The following HOXC8 variants were observed in gnomAD, a reference collection of about 807,000 sequenced individuals.
HOXC8 encodes homeobox C8.
In HOXC8, 14 loss-of-function variants were observed where a neutral mutation model predicts 25.8. The observed-to-expected ratio is 0.54, with a 90% CI of 0.36 to 0.85. HOXC8 has a LOEUF of 0.85. Ranked by LOEUF, HOXC8 falls within the 40% of genes least tolerant of loss-of-function variation. The pLI is 0.01. For missense variants in HOXC8, 316 were observed against 308.8 expected, an observed-to-expected ratio of 1.02 and a Z score of -0.17; for synonymous variants, 144 against 124.6, an observed-to-expected ratio of 1.16 and a Z score of -1.04.
rs1164577726 is a variant in HOXC8, at chr12:54,011,445, T to A, written c.*64T>A. The A allele has an allele frequency of 1.4e-6, 2 of 1,444,860 alleles. No homozygotes were observed. Among genetic ancestry groups the A allele is most frequent in the Non-Finnish European group, 1.8e-6 (2 of 1,109,220 alleles). The allele number at this position is 1,444,860 out of a possible 1,614,324, so 89.5% of individuals were successfully genotyped here. A position where few individuals can be genotyped will look rare whatever the true frequency, so the allele number is the denominator to read the frequency against. On this transcript the variant is annotated 3_prime_UTR_variant, in exon 2 of 2. Transcript: ENST00000040584. ...TGAAGTTTCGTTTTATGGTAGCAGA[T>A]AAATTGAGAAGTTTACGACTGTCAT...
chr12:54,009,768 T>A lies in HOXC8; in HGVS notation c.436+48T>A. ...CCCTTGGTCTCCCGCGCTCCAGGGT[T>A]TCCCCCCCTCCCTCGCCTCCTTTTT... is the stretch of plus-strand genomic sequence containing the variant. On this transcript the variant is annotated intron_variant, in intron 1 of 1. Coordinates refer to ENST00000040584, the MANE Select transcript of HOXC8 (RefSeq NM_022658.4). This position sits in a 1 kb window ranked among gnomAD's most constrained non-coding sequence, Gnocchi z 5.0. 6.6e-7 allele frequency: 1 copy of A among 1,524,364 alleles called. No individual in the cohort carries two copies. Among genetic ancestry groups the A allele is most frequent in the Non-Finnish European group, 9.0e-7 (1 of 1,105,448 alleles). The allele number at this position is 1,524,364 out of a possible 1,614,324, so 94.4% of individuals were successfully genotyped here. A position where few individuals can be genotyped will look rare whatever the true frequency, so the allele number is the denominator to read the frequency against.
chr12:54,009,966 C>G lies in HOXC8; in HGVS notation c.436+246C>G, dbSNP rs1028963956. Among the ~76,000 whole-genome samples, 4 of 152,132 alleles carry G rather than the reference C, an allele frequency of 2.6e-5. No individual in the cohort carries two copies. Among genetic ancestry groups the G allele is most frequent in the African/African-American group, 9.7e-5 (4 of 41,426 alleles). ...GTGAGAGAAAGCTGGTGTGTGGCCG[C>G]AAAGGGTTAAAAATCGTTTTCTCCA... On this transcript the variant is annotated intron_variant, in intron 1 of 1. Transcript: ENST00000040584. This position sits in a 1 kb window ranked among gnomAD's most constrained non-coding sequence, Gnocchi z 5.0.
At position 54,009,075 on chromosome 12, in the gene HOXC8, G is replaced by A. The variant is rs1370702144; in HGVS notation, c.-210G>A. The A allele has an allele frequency of 9.0e-6, 2 of 221,250 alleles. No individual in the cohort carries two copies. The highest frequency in any genetic ancestry group is 2.3e-5 in the African/African-American group (1 of 42,578). 13.7% of individuals were successfully genotyped at this position (221,250 alleles called of 1,614,324 possible). A position where few individuals can be genotyped will look rare whatever the true frequency, so the allele number is the denominator to read the frequency against. On this transcript the variant is annotated 5_prime_UTR_variant, in exon 1 of 2. Coordinates refer to ENST00000040584, the MANE Select transcript of HOXC8 (RefSeq NM_022658.4). The surrounding 1 kb of genome is among the most constrained non-coding windows in gnomAD (Gnocchi z 5.0). The stretch of plus-strand genomic sequence containing the variant: ...TCGCCGCCCGCCGCCGCCGCCGCCC[G>A]CGCCCCAGCCCCGGGAGCTCTGCTG...
At position 54,009,365 on chromosome 12, in the gene HOXC8, G is replaced by T. The variant is rs768126590; in HGVS notation, c.81G>T (p.Arg27=). The T allele has an allele frequency of 1.7e-5, 28 of 1,613,470 alleles. No homozygotes were observed. In the South Asian group the frequency reaches 3.0e-4, roughly 17 times the overall value. Residue 27 remains arginine, a synonymous_variant, in exon 1 of 2, where the codon CGG becomes CGT. Coordinates refer to ENST00000040584, the MANE Select transcript of HOXC8 (RefSeq NM_022658.4). This position sits in a 1 kb window ranked among gnomAD's most constrained non-coding sequence, Gnocchi z 5.0. ...TGGAACCGGCCTATTACGACTGCCG[G>T]TTCCCTCAGAGCGTGGGCAGGAGCC... ...ESLEPAYYDC[R]FPQSVGRSHA...
intron 1 of HOXC8, among the ~76,000 whole-genome samples, chr12:54,010,419 GC>G (rs927703055): frequency 2.6e-5 from 4 of 151,914 alleles, no homozygotes; most frequent in African/African-American, 9.7e-5. Flanking sequence ...GACCCTAGCC[GC>G]CCCCCCAATC....
rs776195417 is a variant in HOXC8, at chr12:54,009,449, C to T, written c.165C>T (p.His55=). The stretch of plus-strand genomic sequence containing the variant: ...CCGGCTTCCAGCACGCTTCGCACCA[C>T]GTTCAAGACTTCTTCCACCACGGCA... ...SAPGFQHASH[H]VQDFFHHGTS... Residue 55 remains histidine (H), a synonymous_variant, in exon 1 of 2, where the codon CAC becomes CAT. Coordinates refer to ENST00000040584, the MANE Select transcript of HOXC8 (RefSeq NM_022658.4). The surrounding 1 kb of genome is among the most constrained non-coding windows in gnomAD (Gnocchi z 5.0). 62 of 1,614,072 alleles carry T rather than the reference C, an allele frequency of 3.8e-5. No individual in the cohort carries two copies. Among genetic ancestry groups the T allele is most frequent in the Non-Finnish European group, 4.9e-5 (58 of 1,180,038 alleles).
Position 54,012,347 on chromosome 12 carries a change from A to G in HOXC8, c.*966A>G, listed in dbSNP as rs1266387158. ...AGAGAAAAAAATAAAAATCAAAAAAAAAAAAAAGAAAGAAAGAAACCTCCA... is the reference window on the plus strand; with the variant it reads ...AGAGAAAAAAATAAAAATCAAAAAAGAAAAAAAGAAAGAAAGAAACCTCCA... On this transcript the variant is annotated 3_prime_UTR_variant, in exon 2 of 2. Coordinates refer to ENST00000040584, the MANE Select transcript of HOXC8 (RefSeq NM_022658.4). 33 of 151,908 alleles carry G rather than the reference A, an allele frequency of 2.2e-4. 1 individual carries two copies. Among genetic ancestry groups the G allele is most frequent in the African/African-American group, 7.3e-4 (30 of 41,336 alleles). The allele number at this position is 151,908 out of a possible 1,614,324, so 9.4% of individuals were successfully genotyped here. A position where few individuals can be genotyped will look rare whatever the true frequency, so the allele number is the denominator to read the frequency against.
At position 54,011,459 on chromosome 12, in the gene HOXC8, T is replaced by A; in HGVS notation, c.*78T>A. ...ATGGTAGCAGATAAATTGAGAAGTT[T>A]ACGACTGTCATTTGCTTTTATAGAG... On this transcript the variant is annotated 3_prime_UTR_variant, in exon 2 of 2. Coordinates refer to ENST00000040584, the MANE Select transcript of HOXC8 (RefSeq NM_022658.4). 6.9e-7 allele frequency: 1 copy of A among 1,443,342 alleles called. No homozygotes were observed. The highest frequency in any genetic ancestry group is 9.0e-7 in the Non-Finnish European group (1 of 1,105,616). The allele number at this position is 1,443,342 out of a possible 1,614,324, so 89.4% of individuals were successfully genotyped here.
Position 54,009,648 on chromosome 12 carries a change from A to C in HOXC8, c.364A>C (p.Ser122Arg). 1 of 1,614,228 alleles carries C rather than the reference A, an allele frequency of 6.2e-7. No homozygotes were observed. Among genetic ancestry groups the C allele is most frequent in the Non-Finnish European group, 8.5e-7 (1 of 1,180,040 alleles). ...PDCKSSANTN[S>R]SEGQGHLNQN... is the part of the protein sequence containing the mutation. ...CTGTAAATCCTCCGCCAACACTAAC[A>C]GTAGCGAAGGACAAGGCCACTTAAA... Residue 122 changes from serine (S) to arginine (R), a missense_variant, in exon 1 of 2, where the codon AGT becomes CGT. Physicochemically the swap from Ser to Arg is moderately radical, Grantham distance 110 (BLOSUM62 -1). Coordinates refer to ENST00000040584, the MANE Select transcript of HOXC8 (RefSeq NM_022658.4). This position sits in a 1 kb window ranked among gnomAD's most constrained non-coding sequence, Gnocchi z 5.0.
rs1163664728 is a variant in HOXC8, at chr12:54,011,942, T to G, written c.*561T>G. On this transcript the variant is annotated 3_prime_UTR_variant, in exon 2 of 2. Transcript: ENST00000040584. Reference sequence around the variant, plus strand: ...AAAAGCAAGGAATATCCCCTCCCCCTCCCCCTCCCCCTCCCCAGGGCTCCC... The same window carrying G: ...AAAAGCAAGGAATATCCCCTCCCCCGCCCCCTCCCCCTCCCCAGGGCTCCC... 2 of 58,886 alleles carry G rather than the reference T, an allele frequency of 3.4e-5. No homozygotes were observed. Among genetic ancestry groups the G allele is most frequent in the Non-Finnish European group, 7.0e-5 (2 of 28,746 alleles). 3.6% of individuals were successfully genotyped at this position (58,886 alleles called of 1,614,324 possible).
rs1224962051 is a variant in HOXC8, at chr12:54,009,180, C to T, written c.-105C>T. The T allele has an allele frequency of 4.0e-6, 4 of 993,514 alleles. No homozygotes were observed. Among genetic ancestry groups the T allele is most frequent in the Non-Finnish European group, 4.6e-6 (3 of 659,234 alleles). The allele number at this position is 993,514 out of a possible 1,614,324, so 61.5% of individuals were successfully genotyped here. On this transcript the variant is annotated 5_prime_UTR_variant, in exon 1 of 2. Transcript: ENST00000040584. The surrounding 1 kb of genome is among the most constrained non-coding windows in gnomAD (Gnocchi z 5.0). The stretch of plus-strand genomic sequence containing the variant: ...CCAGCCCAGCCCAGTCCCGGGGAGC[C>T]AGCTGGCCTGGGGTTCGGTCCCGGG...
rs1939924001 is a variant in HOXC8, at chr12:54,009,234, G to A, written c.-51G>A. 2.1e-6 allele frequency: 3 copies of A among 1,446,638 alleles called. No individual in the cohort carries two copies. The highest frequency in any genetic ancestry group is 2.8e-6 in the Non-Finnish European group (3 of 1,061,622). The allele number at this position is 1,446,638 out of a possible 1,614,324, so 89.6% of individuals were successfully genotyped here. ...AGGGGAGTTTCGGGGGTACTGGGCGGGGTACTCGTGAGCCAGAGGGGAGGG... is the reference window on the plus strand; with the variant it reads ...AGGGGAGTTTCGGGGGTACTGGGCGAGGTACTCGTGAGCCAGAGGGGAGGG... On this transcript the variant is annotated 5_prime_UTR_variant, in exon 1 of 2. Transcript: ENST00000040584. The surrounding 1 kb of genome is among the most constrained non-coding windows in gnomAD (Gnocchi z 5.0).
In HOXC8 at chr12:54,009,633, T is replaced by C. The variant is rs1284543740; in HGVS notation, c.349T>C (p.Ser117Pro). ...SVVQYPDCKS[S>P]ANTNSSEGQG... ...GGTGCAATATCCCGACTGTAAATCC[T>C]CCGCCAACACTAACAGTAGCGAAGG... Residue 117 changes from serine (S) to proline (P), a missense_variant, in exon 1 of 2, where the codon TCC becomes CCC. Physicochemically the swap from Ser to Pro is moderately conservative, Grantham distance 74. Transcript: ENST00000040584. This position sits in a 1 kb window ranked among gnomAD's most constrained non-coding sequence, Gnocchi z 5.0. The C allele has an allele frequency of 3.1e-6, 5 of 1,614,174 alleles. No homozygotes were observed. Among genetic ancestry groups the C allele is most frequent in the Non-Finnish European group, 4.2e-6 (5 of 1,180,044 alleles).
intron 1 of HOXC8, among the ~76,000 whole-genome samples, chr12:54,010,480 G>A (rs1358419331): frequency 6.6e-6 from 1 of 152,180 alleles, no homozygotes; most frequent in East Asian, 1.9e-4. Context: ...TAGGTCATGA[G>A]CCCCTCCAAG....
In HOXC8 at chr12:54,009,370, C is replaced by T. The variant is rs747749336; in HGVS notation, c.86C>T (p.Pro29Leu). ...LEPAYYDCRF[P>L]QSVGRSHALV... The stretch of plus-strand genomic sequence containing the variant: ...CCGGCCTATTACGACTGCCGGTTCC[C>T]TCAGAGCGTGGGCAGGAGCCATGCG... The change falls in exon 1 of 2, where the codon CCT becomes CTT. Residue 29 changes from proline (P) to leucine (L), a missense_variant. By Grantham distance (98) the Pro-to-Leu change is moderately conservative (BLOSUM62 -3). Coordinates refer to ENST00000040584, the MANE Select transcript of HOXC8 (RefSeq NM_022658.4). The surrounding 1 kb of genome is among the most constrained non-coding windows in gnomAD (Gnocchi z 5.0). The T allele has an allele frequency of 1.2e-6, 2 of 1,613,876 alleles. No homozygotes were observed. The highest frequency in any genetic ancestry group is 2.2e-5 in the South Asian group (2 of 91,056).
Position 54,011,395 on chromosome 12 carries a change from A to T in HOXC8, c.*14A>T, listed in dbSNP as rs560386503. 7.8e-6 allele frequency: 9 copies of T among 1,152,972 alleles called. No homozygotes were observed. The highest frequency in any genetic ancestry group is 3.2e-5 in the Admixed American group (1 of 31,216). The allele number at this position is 1,152,972 out of a possible 1,614,324, so 71.4% of individuals were successfully genotyped here. On this transcript the variant is annotated 3_prime_UTR_variant, in exon 2 of 2. Transcript: ENST00000040584. Reference sequence around the variant, plus strand: ...AACAAGGACTAAGCAAAAAAGAAAGACCCCCCCCCCCTTAGCAACTCCCTT... The same window carrying T: ...AACAAGGACTAAGCAAAAAAGAAAGTCCCCCCCCCCCTTAGCAACTCCCTT...
chr12:54,009,821 T>G lies in HOXC8; in HGVS notation c.436+101T>G, dbSNP rs1335500362. 6.5e-6 allele frequency: 7 copies of G among 1,073,644 alleles called. No individual in the cohort carries two copies. In the African/African-American group the frequency reaches 1.1e-4, roughly 17 times the overall value. The allele number at this position is 1,073,644 out of a possible 1,614,324, so 66.5% of individuals were successfully genotyped here. A position where few individuals can be genotyped will look rare whatever the true frequency, so the allele number is the denominator to read the frequency against. On this transcript the variant is annotated intron_variant, in intron 1 of 1. Coordinates refer to ENST00000040584, the MANE Select transcript of HOXC8 (RefSeq NM_022658.4). The surrounding 1 kb of genome is among the most constrained non-coding windows in gnomAD (Gnocchi z 5.0). Reference sequence around the variant, plus strand: ...CTGCCCTCGCTTTTTCTCCTGGCTTTGGGGTCTCTCCCGCCCCACCCCCGT... The same window carrying G: ...CTGCCCTCGCTTTTTCTCCTGGCTTGGGGGTCTCTCCCGCCCCACCCCCGT...
rs1292531196 is a variant in HOXC8, at chr12:54,011,580, G to A, written c.*199G>A. 8.1e-6 allele frequency: 5 copies of A among 617,732 alleles called. No homozygotes were observed. Among genetic ancestry groups the A allele is most frequent in the Non-Finnish European group, 1.2e-5 (5 of 407,230 alleles). 38.3% of individuals were successfully genotyped at this position (617,732 alleles called of 1,614,324 possible). On this transcript the variant is annotated 3_prime_UTR_variant, in exon 2 of 2. Coordinates refer to ENST00000040584, the MANE Select transcript of HOXC8 (RefSeq NM_022658.4). The stretch of plus-strand genomic sequence containing the variant: ...TCCCCCACTCTTTATTTGTTTGGGG[G>A]CTGGAGGGGGGAGACGGAGAAACAG...
rs758728034 is a variant in HOXC8 at position 54,011,095 on chromosome 12, G to A, written c.443G>A (p.Gly148Glu). ...MFPWMRPHAP[G>E]RRSGRQTYSR... ...GGGGTTTTCTTCTGTCCAGCTCCGG[G>A]GAGGCGCAGTGGACGGCAAACTTAC... Residue 148 changes from glycine (G) to glutamate (E), a missense_variant, in exon 2 of 2, where the codon GGG (glycine) becomes GAG (glutamate). By Grantham distance (98) the Gly-to-Glu change is moderately conservative. Coordinates refer to ENST00000040584, the MANE Select transcript of HOXC8 (RefSeq NM_022658.4). 9 of 1,613,532 alleles carry A rather than the reference G, an allele frequency of 5.6e-6. No individual in the cohort carries two copies. The South Asian group carries it at 8.8e-5, about 16-fold the overall frequency.
Sources: allele counts gnomAD v4.1 joint callset (sites outside exome capture counted in the v4.1 genomes callset), GRCh38; gene constraint gnomAD v4.1.1; non-coding constraint Gnocchi (gnomAD v3.1); transcripts MANE v1.5; gene names NCBI Gene and HGNC (gene_info 2026-07-23, HGNC 2026-07-21).